The following NKTR variants were observed in gnomAD, a reference collection of about 807,000 sequenced individuals.
The protein encoded by NKTR is NK-tumor recognition protein.
Under a neutral mutation model 156.3 loss-of-function variants are expected in NKTR, and 67 were observed. The ratio of observed to expected loss-of-function variants is 0.43; its 90% CI spans 0.35 to 0.53. The LOEUF (loss-of-function observed/expected upper bound fraction) is 0.53. Ranked by LOEUF, NKTR falls within the 20% of genes least tolerant of loss-of-function variation. The pLI, the probability that NKTR is intolerant of heterozygous loss-of-function variation, is 0.01. For synonymous variants in NKTR, 640 were observed against 596.6 expected, an observed-to-expected ratio of 1.07 and a Z score of -1.06; for missense variants, 1,604 against 1,730.9, an observed-to-expected ratio of 0.93 and a Z score of 1.30.
chr3:42,630,982 G>T, intron 7 of NKTR, 189 bp from the exon 8 acceptor site: 1 of 1,414,884 alleles, frequency 7.1e-7, no homozygotes, highest in East Asian at 2.6e-5. Flanking sequence ...CTGAGGCCCA[G>T]TTTGCATAAT....
intron 3 of NKTR, among the ~76,000 whole-genome samples, chr3:42,618,377 C>T (rs1278870384): frequency 6.7e-6 from 1 of 149,722 alleles, no homozygotes; most frequent in Non-Finnish European, 1.5e-5. Flanking sequence ...AAAATTAGAA[C>T]ACACTGAAAT....
intron 6 of NKTR, among the ~76,000 whole-genome samples, chr3:42,624,604 A>G (rs544212435): frequency 6.6e-6 from 1 of 152,218 alleles, no homozygotes; most frequent in South Asian, 2.1e-4. Flanking sequence ...TAGAAATTTT[A>G]TTTACAATCT....
Position 42,632,632 on chromosome 3 carries a change from T to C in NKTR, c.582T>C (p.His194=). 1.9e-6 allele frequency: 3 copies of C among 1,612,936 alleles called. No homozygotes were observed. Among genetic ancestry groups the C allele is most frequent in the Non-Finnish European group, 2.5e-6 (3 of 1,179,664 alleles). The change falls in exon 9 of 17, where the codon CAT becomes CAC. Residue 194 remains histidine, a synonymous_variant. Coordinates refer to ENST00000232978, the MANE Select transcript of NKTR (RefSeq NM_005385.4). ...VFEKKRKKPT[H]SEGSDSSSNS... ...AGAAAAAAAGGAAGAAACCAACTCATTCAGAAGGCTCGGATTCCTCTTCCA... is the reference window on the plus strand; with the variant it reads ...AGAAAAAAAGGAAGAAACCAACTCACTCAGAAGGCTCGGATTCCTCTTCCA...
At chr3:42,629,535 A>T (rs1167377678) in intron 6 of NKTR, 8 of 984,150 alleles carry the variant, frequency 8.1e-6, no homozygotes, top group Non-Finnish European at 7.2e-6. Flanking sequence ...TGAATACAGA[A>T]ATTTATATGG....
intron 5 of NKTR, chr3:42,620,272 CT>C (rs757972066): frequency 7.8e-5 from 96 of 1,236,888 alleles, no homozygotes; most frequent in Non-Finnish European, 9.6e-5. Flanking sequence ...TTTTTTTCCC[CT>C]AAACCAAGCA....
Position 42,643,469 on chromosome 3 carries a change from GTGGTATT to G in NKTR, c.4199+76_4199+82del, listed in dbSNP as rs1710080415. The G allele has an allele frequency of 2.4e-6, 3 of 1,275,418 alleles. No homozygotes were observed. The East Asian group carries it at 6.9e-5, about 30-fold the overall frequency. The allele number at this position is 1,275,418 out of a possible 1,614,324, so 79.0% of individuals were successfully genotyped here. A position where few individuals can be genotyped will look rare whatever the true frequency, so the allele number is the denominator to read the frequency against. On this transcript the variant is annotated intron_variant, in intron 15 of 16. Transcript: ENST00000232978. ...TTGTTTTGTAAACTGTTTGTTCAAA[GTGGTATT>G]TTATTGAGTAACTAAATGCATATAT...
intron 6 of NKTR, chr3:42,628,649 GT>G (rs1708611446): frequency 3.0e-6 from 3 of 985,204 alleles, no homozygotes; most frequent in East Asian, 1.1e-4. Flanking sequence ...ACCATACATC[GT>G]TTTTACTTCT....
At chr3:42,629,873 G>A in intron 6 of NKTR, 1 of 985,430 alleles carries the variant, frequency 1.0e-6, no homozygotes, top group Non-Finnish European at 1.2e-6. Context: ...TCTGGGCCAA[G>A]GAAATTTAAA....
chr3:42,634,894 G>T, intron 11 of NKTR, 194 bp downstream of exon 11: 1 of 494,588 alleles, frequency 2.0e-6, no homozygotes, highest in Non-Finnish European at 3.6e-6. Flanking sequence ...AATTGAGTAT[G>T]AAAGGAGGAA....
intron 2 of NKTR, among the ~76,000 whole-genome samples, chr3:42,614,955 CATA>C (rs1240545332): frequency 1.3e-5 from 2 of 151,944 alleles, no homozygotes; most frequent in Admixed American, 6.6e-5. Context: ...CTCTTAACAA[CATA>C]ATGCCATAGA....
chr3:42,615,931 T>A (rs1362312305), intron 2 of NKTR, among the ~76,000 whole-genome samples: 3 of 152,168 alleles, frequency 2.0e-5, no homozygotes, highest in Non-Finnish European at 2.9e-5. Flanking sequence ...GAGTCCTCCT[T>A]TTTGCTTGCT....
At chr3:42,624,964 T>C (rs1485874211) in intron 6 of NKTR, among the ~76,000 whole-genome samples, 3 of 152,160 alleles carry the variant, frequency 2.0e-5, no homozygotes, top group South Asian at 4.1e-4. Context: ...GACACTAATA[T>C]AGCTGTCAGG....
intron 2 of NKTR, among the ~76,000 whole-genome samples, chr3:42,607,078 T>C (rs1453116964): frequency 6.6e-6 from 1 of 152,170 alleles, no homozygotes; most frequent in Non-Finnish European, 1.5e-5. Flanking sequence ...ATAAGATTGG[T>C]TCTAACATAA....
chr3:42,630,451 C>A (rs1708788479), intron 6 of NKTR, 95 bp from the exon 7 acceptor site: 2 of 1,578,266 alleles, frequency 1.3e-6, no homozygotes, highest in Middle Eastern at 1.7e-4. Flanking sequence ...ATCTTTACTT[C>A]TTTGTTCTCT....
intron 2 of NKTR, chr3:42,610,969 A>G (rs1452233199): frequency 6.6e-6 from 1 of 151,920 alleles, no homozygotes; most frequent in Non-Finnish European, 1.5e-5. Context: ...TCTTTTTTCT[A>G]AATTTTGGTA....
intron 2 of NKTR, among the ~76,000 whole-genome samples, chr3:42,612,009 G>A (rs1706869969): frequency 6.6e-6 from 1 of 152,214 alleles, no homozygotes; most frequent in Admixed American, 6.5e-5. Context: ...GCTGAGGCAG[G>A]AGGATTGCTT....
chr3:42,608,242 C>T (rs1577426476), intron 2 of NKTR, among the ~76,000 whole-genome samples: 1 of 151,872 alleles, frequency 6.6e-6, no homozygotes, highest in Non-Finnish European at 1.5e-5. Context: ...CCACCCACCT[C>T]GGCCTCCGTG....
intron 2 of NKTR, among the ~76,000 whole-genome samples, chr3:42,614,813 T>C (rs1157611061): frequency 6.6e-6 from 1 of 152,204 alleles, no homozygotes; most frequent in African/African-American, 2.4e-5. Context: ...GCCTTTGCCA[T>C]GCTTTGCAAA....
chr3:42,645,922 G>A lies in NKTR; in HGVS notation c.4336G>A (p.Asp1446Asn). Reference sequence around the variant, plus strand: ...ATCTTATGGCTCTGACAGTGAAAGTGACCGAAGTTACTCTCATCACCGGAG... The same window carrying A: ...ATCTTATGGCTCTGACAGTGAAAGTAACCGAAGTTACTCTCATCACCGGAG... The part of the protein sequence containing the change: ...CRSYGSDSES[D>N]RSYSHHRSPS... Residue 1446 changes from aspartate (D) to asparagine (N), a missense_variant, in exon 17 of 17, where the codon GAC becomes AAC. Asp to Asn is a conservative substitution (Grantham distance 23). This residue lies in a region of NKTR where 193 missense variants were observed against 220.2 expected (regional missense o/e 0.88). Transcript: ENST00000232978. 6.2e-7 allele frequency: 1 copy of A among 1,613,310 alleles called. No homozygotes were observed. The highest frequency in any genetic ancestry group is 8.5e-7 in the Non-Finnish European group (1 of 1,179,560).
Sources: allele counts gnomAD v4.1 joint callset (sites outside exome capture counted in the v4.1 genomes callset), GRCh38; gene constraint gnomAD v4.1.1; regional missense constraint gnomAD v4.1.1; transcripts MANE v1.5; gene names NCBI Gene and HGNC (gene_info 2026-07-23, HGNC 2026-07-21).